Variants in PIK3CB observed in about 807,000 individuals in gnomAD.
PIK3CB encodes the protein phosphatidylinositol 4,5-bisphosphate 3-kinase catalytic subunit beta isoform.
Under a neutral mutation model 136.8 loss-of-function variants are expected in PIK3CB, and 39 were observed. The ratio of observed to expected loss-of-function variants is 0.29; its 90% CI spans 0.22 to 0.37. The LOEUF is 0.37. PIK3CB is among the 10% of genes least tolerant of loss of function. The pLI, the probability that PIK3CB is intolerant of heterozygous loss-of-function variation, is 1.00. For missense variants in PIK3CB, 868 were observed against 1,275.4 expected (o/e 0.68, Z 4.87); for synonymous variants, 428 against 436.6 (o/e 0.98, Z 0.25).
chr3:138,712,536 A>C, intron 9 of PIK3CB, among the ~76,000 whole-genome samples: 1 of 152,220 alleles, frequency 6.6e-6, no homozygotes. Context: ...TATGAATAAA[A>C]TAGAATATGG....
At position 138,748,161 on chromosome 3, in the gene PIK3CB, A is replaced by G. The variant is rs2045399820; in HGVS notation, c.398-5380T>C. 9.2e-5 allele frequency among the ~76,000 whole-genome samples: 3 copies of G among 32,658 alleles called. No individual in the cohort carries two copies. In the South Asian group the frequency reaches 3.8e-3, roughly 42 times the overall value. 21.4% of individuals were successfully genotyped at this position (32,658 alleles called of 152,430 possible). A position where few individuals can be genotyped will look rare whatever the true frequency, so the allele number is the denominator to read the frequency against. On this transcript the variant is annotated intron_variant, in intron 4 of 23. Coordinates refer to ENST00000674063, the MANE Select transcript of PIK3CB (RefSeq NM_006219.3). ...GCAATATTTATTAGAAATCATACAC[A>G]CACACACACACACACACACACACAC...
In PIK3CB at chr3:138,656,246, G is replaced by C. The variant is rs1371429361; in HGVS notation, c.2971C>G (p.Leu991Val). The C allele has an allele frequency of 6.2e-7, 1 of 1,614,158 alleles. No individual in the cohort carries two copies. Among genetic ancestry groups the C allele is most frequent in the East Asian group, 2.2e-5 (1 of 44,874 alleles). Residue 991 changes from leucine (L) to valine (V), a missense_variant, in exon 23 of 24, where the codon CTG (leucine) becomes GTG (valine). Physicochemically the swap from Leu to Val is conservative, Grantham distance 32. Coordinates refer to ENST00000674063, the MANE Select transcript of PIK3CB (RefSeq NM_006219.3). ...AGATTCCCATGCCGTCGTAAAATCAGATATGCATCCTCACAACACTGGCGG... is the reference window on the plus strand; with the variant it reads ...AGATTCCCATGCCGTCGTAAAATCACATATGCATCCTCACAACACTGGCGG... ...RFRQCCEDAY[L>V]ILRRHGNLFI...
chr3:138,697,076 A>T (rs1440545829), intron 13 of PIK3CB, among the ~76,000 whole-genome samples: 3 of 152,134 alleles, frequency 2.0e-5, no homozygotes, highest in Admixed American at 6.5e-5. Flanking sequence ...AACTCACCAA[A>T]CCTCTCTATA....
chr3:138,742,833 A>T, intron 4 of PIK3CB, 52 bp from the exon 5 acceptor site: 1 of 999,744 alleles, frequency 1.0e-6, no homozygotes, highest in African/African-American at 1.6e-5. Context: ...ATAATAAAAG[A>T]ATATAGAAAG....
At chr3:138,735,924 A>G (rs902614468) in intron 6 of PIK3CB, among the ~76,000 whole-genome samples, 7 of 152,032 alleles carry the variant, frequency 4.6e-5, no homozygotes, top group African/African-American at 1.7e-4. Flanking sequence ...TGAAAGATCC[A>G]TTTCTCTCAC....
chr3:138,798,825 T>C (rs1278378574), intron 1 of PIK3CB, among the ~76,000 whole-genome samples: 2 of 151,956 alleles, frequency 1.3e-5, no homozygotes, highest in Non-Finnish European at 2.9e-5. Flanking sequence ...TCTCTAACAC[T>C]AGTCCCCTTG....
rs142041081 is a variant in PIK3CB at position 138,739,658 on chromosome 3, T to C, written c.622-1772A>G. On this transcript the variant is annotated intron_variant, in intron 5 of 23. Coordinates refer to ENST00000674063, the MANE Select transcript of PIK3CB (RefSeq NM_006219.3). ...GATCACACCTATAATCCCAGCATCT[T>C]GGGAGGCCGAGGCGGGCGGATCACT... Among the ~76,000 whole-genome samples the C allele has an allele frequency of 4.4e-3, 661 of 150,950 alleles. 7 individuals carry two copies. The Middle Eastern group carries it at 0.045, about 10-fold the overall frequency.
chr3:138,760,294 G>C (rs1020321031), intron 2 of PIK3CB, among the ~76,000 whole-genome samples: 6 of 152,046 alleles, frequency 3.9e-5, no homozygotes, highest in Non-Finnish European at 8.8e-5. Flanking sequence ...GCTCAATACA[G>C]ATGGCAAGGC....
In PIK3CB at chr3:138,653,712, A is replaced by G. The variant is rs2043149524; in HGVS notation, c.*1677T>C. On this transcript the variant is annotated 3_prime_UTR_variant, in exon 24 of 24. Transcript: ENST00000674063. ...TATTTCCAAGGAACTGGACTGCTCCAGCATCTGCCCCATGAACAAGAGCTC... is the reference window on the plus strand; with the variant it reads ...TATTTCCAAGGAACTGGACTGCTCCGGCATCTGCCCCATGAACAAGAGCTC... The G allele has an allele frequency of 5.4e-6, 1 of 185,268 alleles. No individual in the cohort carries two copies. The highest frequency in any genetic ancestry group is 2.3e-5 in the African/African-American group (1 of 42,598). 11.5% of individuals were successfully genotyped at this position (185,268 alleles called of 1,614,324 possible).
chr3:138,766,935 A>G (rs1321087110), intron 2 of PIK3CB, among the ~76,000 whole-genome samples: 2 of 152,214 alleles, frequency 1.3e-5, no homozygotes, highest in Non-Finnish European at 2.9e-5. Flanking sequence ...CTAAGGAGAT[A>G]TATAGTATTA....
chr3:138,813,837 T>C (rs955489532), intron 1 of PIK3CB, among the ~76,000 whole-genome samples: 1 of 152,040 alleles, frequency 6.6e-6, no homozygotes, highest in Non-Finnish European at 1.5e-5. Context: ...GGGTAAACAA[T>C]TAGATATGAG....
intron 19 of PIK3CB, among the ~76,000 whole-genome samples, chr3:138,667,332 G>A (rs1052586672): frequency 5.3e-5 from 8 of 151,858 alleles, no homozygotes; most frequent in Admixed American, 5.2e-4. Context: ...AGACCATGCA[G>A]GTTCCTGTTG....
At chr3:138,768,820 C>A (rs532385048) in intron 2 of PIK3CB, among the ~76,000 whole-genome samples, 1 of 152,256 alleles carries the variant, frequency 6.6e-6, no homozygotes, top group Non-Finnish European at 1.5e-5. Context: ...TTGGGCTTGG[C>A]CCTGACTCTG....
At chr3:138,757,551 TAGAC>T (rs2045593561) in intron 3 of PIK3CB, among the ~76,000 whole-genome samples, 3 of 132,520 alleles carry the variant, frequency 2.3e-5, no homozygotes, top group African/African-American at 8.8e-5. Context: ...TCGTATCTCT[TAGAC>T]AAACAAAAAA....
intron 19 of PIK3CB, among the ~76,000 whole-genome samples, chr3:138,666,314 G>A (rs968155718): frequency 6.6e-6 from 1 of 152,108 alleles, no homozygotes; most frequent in Non-Finnish European, 1.5e-5. Context: ...GGGACTACAG[G>A]TGAGTGCCAC....
intron 1 of PIK3CB, among the ~76,000 whole-genome samples, chr3:138,810,279 A>C (rs2108867268): frequency 6.6e-6 from 1 of 152,142 alleles, no homozygotes; most frequent in Non-Finnish European, 1.5e-5. Flanking sequence ...CCATCAAGGA[A>C]AGGAACTATA....
At chr3:138,743,726 G>T (rs561214215) in intron 4 of PIK3CB, among the ~76,000 whole-genome samples, 1 of 151,700 alleles carries the variant, frequency 6.6e-6, no homozygotes, top group African/African-American at 2.4e-5. Flanking sequence ...ATGCCACTAT[G>T]TCTGGATAAA....
chr3:138,688,774 A>G (rs2043948418), intron 16 of PIK3CB, 101 bp downstream of exon 16: 2 of 684,340 alleles, frequency 2.9e-6, no homozygotes, highest in East Asian at 2.7e-5. Context: ...ATCAAACACC[A>G]AGTACCAAAT....
chr3:138,657,859 T>A (rs761288933), intron 21 of PIK3CB, 24 bp from the exon 22 acceptor site: 1 of 1,599,934 alleles, frequency 6.3e-7, no homozygotes, highest in Non-Finnish European at 8.5e-7. Flanking sequence ...GGGATTTAAT[T>A]TCCTTCATTT....
Sources: gnomAD v4.1 joint callset for allele counts (sites outside exome capture counted in the v4.1 genomes callset) on GRCh38, gnomAD v4.1.1 for gene constraint, MANE v1.5 for transcripts, NCBI Gene and HGNC (gene_info 2026-07-23, HGNC 2026-07-21) for gene names.